Variants in NEK4 observed in about 807,000 individuals in gnomAD.
The protein encoded by NEK4 is NIMA related kinase 4.
NEK4 carries 86 observed loss-of-function variants against 98.4 expected under a neutral mutation model. The ratio of observed to expected loss-of-function variants is 0.87; its 90% CI spans 0.73 to 1.05. NEK4 has a LOEUF of 1.05. Ranked by LOEUF, NEK4 falls within the 50% of genes least tolerant of loss-of-function variation. The pLI is 0.00. For synonymous variants in NEK4, 328 were observed against 342.2 expected, an observed-to-expected ratio of 0.96 and a Z score of 0.46; for missense variants, 898 against 950.3, an observed-to-expected ratio of 0.94 and a Z score of 0.72.
At chr3:52,762,141 T>C (rs1286103759) in intron 5 of NEK4, among the ~76,000 whole-genome samples, 1 of 152,240 alleles carries the variant, frequency 6.6e-6, no homozygotes, top group African/African-American at 2.4e-5. Context: ...AATAGTTTTG[T>C]CCAGCCCTAA....
intron 14 of NEK4, 35 bp downstream of exon 14, chr3:52,739,394 G>A (rs753770513): frequency 4.0e-5 from 63 of 1,577,690 alleles, no homozygotes; most frequent in Middle Eastern, 1.7e-4. Flanking sequence ...GTGAGACTCC[G>A]TCTAAAAAAC....
At chr3:52,731,861 C>G (rs559294513) in intron 15 of NEK4, among the ~76,000 whole-genome samples, 1 of 152,318 alleles carries the variant, frequency 6.6e-6, no homozygotes, top group African/African-American at 2.4e-5. Flanking sequence ...GTGGGAGGGA[C>G]CCGGCGGGAG....
intron 15 of NEK4, among the ~76,000 whole-genome samples, chr3:52,732,023 C>A (rs1271697859): frequency 6.6e-6 from 1 of 152,214 alleles, no homozygotes; most frequent in Non-Finnish European, 1.5e-5. Flanking sequence ...CCTTCACCAT[C>A]TGCTATGATT....
chr3:52,730,540 C>T (rs1227701377), intron 15 of NEK4, among the ~76,000 whole-genome samples: 1 of 152,180 alleles, frequency 6.6e-6, no homozygotes, highest in Non-Finnish European at 1.5e-5. Flanking sequence ...AAATCTTTAA[C>T]AAAATCCAGA....
intron 4 of NEK4, among the ~76,000 whole-genome samples, chr3:52,763,893 C>T (rs760418254): frequency 7.2e-5 from 11 of 152,188 alleles, no homozygotes; most frequent in African/African-American, 2.7e-4. Context: ...ACTTATGTAT[C>T]GGGATGTTCA....
intron 15 of NEK4, among the ~76,000 whole-genome samples, chr3:52,728,797 G>A (rs62255393): frequency 6.6e-6 from 1 of 152,152 alleles, no homozygotes; most frequent in Admixed American, 6.5e-5. Context: ...TTAATACCCT[G>A]GGGAAGGAAT....
intron 15 of NEK4, among the ~76,000 whole-genome samples, chr3:52,724,202 C>T (rs563239787): frequency 6.8e-6 from 1 of 146,328 alleles, no homozygotes; most frequent in South Asian, 2.1e-4. Context: ...CACCGCACTC[C>T]ACCCTGGGGA....
rs1412944721 is a variant in NEK4, at chr3:52,760,927, G to C, written c.831C>G (p.Ser277=). ...AGTCACCATTTTTAATGTTATTTTTGGAGGTTTTTCTTTATAAAGAAGAAA... is the reference window on the plus strand; with the variant it reads ...AGTCACCATTTTTAATGTTATTTTTCGAGGTTTTTCTTTATAAAGAAGAAA... ...FFLEATKIKT[S]KNNIKNGDSQ... The change falls in exon 6 of 16, where the codon TCC becomes TCG. Residue 277 remains serine (S), a synonymous_variant. Coordinates refer to ENST00000233027, the MANE Select transcript of NEK4 (RefSeq NM_003157.6). 6.3e-7 allele frequency: 1 copy of C among 1,578,446 alleles called. No individual in the cohort carries two copies. The highest frequency in any genetic ancestry group is 2.2e-5 in the East Asian group (1 of 44,696).
At chr3:52,764,764 ACACACACACACATG>A (rs1459952049) in intron 4 of NEK4, among the ~76,000 whole-genome samples, 2,493 of 112,544 alleles carry the variant, frequency 0.022, 61 homozygotes, top group African/African-American at 0.094. Flanking sequence ...GTGCGCATGC[ACACACACACACATG>A]CACACACACA....
intron 4 of NEK4, among the ~76,000 whole-genome samples, chr3:52,764,520 A>C (rs1029531274): frequency 4.0e-5 from 6 of 150,606 alleles, no homozygotes; most frequent in African/African-American, 1.5e-4. Context: ...AGTCCCAGCT[A>C]CTTGGGAGGC....
chr3:52,740,202 T>C (rs1251250268), intron 13 of NEK4, among the ~76,000 whole-genome samples: 1 of 151,970 alleles, frequency 6.6e-6, no homozygotes, highest in Non-Finnish European at 1.5e-5. Context: ...CATACATTTG[T>C]GAAGAGAAAG....
intron 14 of NEK4, among the ~76,000 whole-genome samples, chr3:52,738,312 C>T (rs1256087833): frequency 8.6e-5 from 13 of 151,650 alleles, no homozygotes; most frequent in African/African-American, 2.4e-5. Context: ...TATGTTGTCC[C>T]GGTTGGTCTT....
intron 15 of NEK4, among the ~76,000 whole-genome samples, chr3:52,722,070 C>T (rs1453602593): frequency 2.0e-5 from 3 of 152,166 alleles, no homozygotes; most frequent in Non-Finnish European, 2.9e-5. Context: ...TTTAACCAAT[C>T]GAATGTTGCC....
At chr3:52,745,424 C>T (rs1438186980) in intron 10 of NEK4, among the ~76,000 whole-genome samples, 1 of 151,742 alleles carries the variant, frequency 6.6e-6, no homozygotes. Context: ...TACTAAAATA[C>T]AAAAATTAGC....
intron 8 of NEK4, among the ~76,000 whole-genome samples, chr3:52,748,774 G>A (rs2097400435): frequency 1.3e-5 from 2 of 152,104 alleles, no homozygotes; most frequent in Admixed American, 6.6e-5. Flanking sequence ...TTAGGACTAT[G>A]TCTGATGCAT....
chr3:52,752,147 C>A lies in NEK4; in HGVS notation c.1153G>T (p.Glu385Ter), dbSNP rs747027271. ...GCATCCAAATATCTTGGCTGATTCT[C>A]CTGAACAAAGCCATCACTCACTGAA... ...RDSVSDGFVQ[E>*]NQPRYLDASN... is the part of the protein sequence containing the mutation. The change falls in exon 7 of 16, where the codon GAG (glutamate) becomes TAG (stop). Residue 385 changes from glutamate (E) to a stop codon, truncating the protein, a stop_gained. Transcript: ENST00000233027. LOFTEE classifies it high-confidence loss of function. 1 of 1,614,180 alleles carries A rather than the reference C, an allele frequency of 6.2e-7. No individual in the cohort carries two copies. The highest frequency in any genetic ancestry group is 1.1e-5 in the South Asian group (1 of 91,072).
At chr3:52,719,513 G>GC (rs1413098148) in intron 15 of NEK4, among the ~76,000 whole-genome samples, 2 of 151,574 alleles carry the variant, frequency 1.3e-5, no homozygotes, top group Non-Finnish European at 2.9e-5. Context: ...AACCTGGGAG[G>GC]CGTAGGTTGT....
Position 52,746,149 on chromosome 3 carries a change from G to C in NEK4, c.1739C>G (p.Thr580Arg), listed in dbSNP as rs1349691121. The C allele has an allele frequency of 2.5e-6, 4 of 1,614,034 alleles. No homozygotes were observed. The South Asian group carries it at 4.4e-5, about 18-fold the overall frequency. Residue 580 changes from threonine to arginine, a missense_variant, in exon 10 of 16, where the codon ACA (threonine) becomes AGA (arginine). By Grantham distance (71) the Thr-to-Arg change is moderately conservative (BLOSUM62 -1). Transcript: ENST00000233027. The stretch of plus-strand genomic sequence containing the variant: ...GTTTTCAGCCTCTTTTTGTGTTGAT[G>C]TGACATCCACTTTCCCAACAATGGG... ...SHPIVGKVDV[T>R]STQKEAENQR... is the part of the protein sequence containing the mutation.
intron 12 of NEK4, among the ~76,000 whole-genome samples, 194 bp from the exon 13 acceptor site, chr3:52,741,693 G>A (rs2097386500): frequency 6.6e-6 from 1 of 151,772 alleles, no homozygotes; most frequent in South Asian, 2.1e-4. Context: ...GATTTTACCC[G>A]TGATATCCCA....
Sources: allele counts gnomAD v4.1 joint callset (sites outside exome capture counted in the v4.1 genomes callset), GRCh38; gene constraint gnomAD v4.1.1; transcripts MANE v1.5; gene names NCBI Gene and HGNC (gene_info 2026-07-23, HGNC 2026-07-21).